Variants in TMT1B observed in about 807,000 individuals in gnomAD.
TMT1B encodes the protein thiol methyltransferase 1B, also known as thiol S-methyltransferase TMT1B.
At chr12:55,683,851 A>G in the TMT1B span, 7 of 1,614,142 alleles carry the variant, frequency 4.3e-6, no homozygotes, top group Non-Finnish European at 5.9e-6. Context: ...TGGCAGAACC[A>G]TATGGAAGCT....
chr12:55,684,436 A>T, the TMT1B span: 1 of 196,022 alleles, frequency 5.1e-6, no homozygotes, highest in Non-Finnish European at 1.1e-5. Context: ...TGGTCACAAA[A>T]GTCATGGTGC....
chr12:55,682,657 A>G, the TMT1B span, among the ~76,000 whole-genome samples: 2 of 151,532 alleles, frequency 1.3e-5, no homozygotes, highest in Admixed American at 1.3e-4. Context: ...GTGGTGGCAC[A>G]TGCCTATAGT....
At chr12:55,682,061 T>C in the TMT1B span, 2 of 1,614,194 alleles carry the variant, frequency 1.2e-6, no homozygotes, top group Non-Finnish European at 1.7e-6. Context: ...AAATCCCCAC[T>C]TTGAGAAGTT....
the TMT1B span, chr12:55,683,699 AACTCTCAG>A: frequency 1.9e-6 from 2 of 1,038,790 alleles, no homozygotes; most frequent in Non-Finnish European, 2.9e-6. Context: ...TTGCTCCATG[AACTCTCAG>A]ACCAGCAGCT....
the TMT1B span, among the ~76,000 whole-genome samples, chr12:55,682,607 CAAAAAA>C: frequency 9.6e-6 from 1 of 104,176 alleles, no homozygotes; most frequent in African/African-American, 3.6e-5. Flanking sequence ...GCCGTCTCTA[CAAAAAA>C]AAAAAAAAAA....
chr12:55,683,351 C>T, the TMT1B span, among the ~76,000 whole-genome samples: 1 of 152,002 alleles, frequency 6.6e-6, no homozygotes, highest in Admixed American at 6.6e-5. Context: ...AAAAAGTAGC[C>T]GGGCGTGGTG....
chr12:55,682,252 G>T, the TMT1B span: 1 of 1,606,988 alleles, frequency 6.2e-7, no homozygotes, highest in Non-Finnish European at 8.5e-7. Flanking sequence ...TACTGAGACC[G>T]GTAAGCAGGG....
the TMT1B span, among the ~76,000 whole-genome samples, chr12:55,682,788 AAAAT>A: frequency 9.2e-6 from 1 of 108,956 alleles, no homozygotes; most frequent in Non-Finnish European, 1.8e-5. Flanking sequence ...TGTATCAAAA[AAAAT>A]AAATAAATAA....
the TMT1B span, chr12:55,683,783 A>C: frequency 6.2e-7 from 1 of 1,605,756 alleles, no homozygotes; most frequent in Admixed American, 1.7e-5. Context: ...GAATGGAGCC[A>C]AGTGACACTA....
At chr12:55,683,758 T>C in the TMT1B span, 1 of 1,546,922 alleles carries the variant, frequency 6.5e-7, no homozygotes, top group Non-Finnish European at 8.9e-7. Flanking sequence ...ATCAGCGCGA[T>C]AGGGAGCAGG....
At chr12:55,683,403 G>A in the TMT1B span, among the ~76,000 whole-genome samples, 19 of 152,280 alleles carry the variant, frequency 1.2e-4, 1 homozygote, top group Admixed American at 9.2e-4. Context: ...GCTGAGGCAG[G>A]AGAATCGCTT....
At chr12:55,684,014 GT>G in the TMT1B span, 1 of 1,613,720 alleles carries the variant, frequency 6.2e-7, no homozygotes, top group Non-Finnish European at 8.5e-7. Context: ...GTGGCTACCT[GT>G]TGGGCCCCAC....
the TMT1B span, chr12:55,681,848 T>A: frequency 6.3e-7 from 1 of 1,580,476 alleles, no homozygotes; most frequent in African/African-American, 1.4e-5. Flanking sequence ...GCAGCCCCTG[T>A]GCAAAAGCTA....
the TMT1B span, among the ~76,000 whole-genome samples, chr12:55,682,856 G>A: frequency 6.6e-6 from 1 of 151,994 alleles, no homozygotes; most frequent in East Asian, 1.9e-4. Flanking sequence ...GTGTGGACGG[G>A]GTGGGGAAAA....
the TMT1B span, chr12:55,681,936 A>G: frequency 6.2e-7 from 1 of 1,614,082 alleles, no homozygotes; most frequent in Non-Finnish European, 8.5e-7. Flanking sequence ...CTCTTCAGCC[A>G]GATAAAGGGG....
At chr12:55,682,330 G>A in the TMT1B span, 17 of 1,450,714 alleles carry the variant, frequency 1.2e-5, no homozygotes, top group Non-Finnish European at 1.2e-5. Flanking sequence ...CCCCCAGAAT[G>A]GGGCGTCTGA....
At chr12:55,681,849 G>A in the TMT1B span, 1 of 1,581,472 alleles carries the variant, frequency 6.3e-7, no homozygotes, top group Non-Finnish European at 8.6e-7. Flanking sequence ...CAGCCCCTGT[G>A]CAAAAGCTAC....
the TMT1B span, chr12:55,683,790 A>C: frequency 1.2e-6 from 2 of 1,610,964 alleles, no homozygotes; most frequent in Non-Finnish European, 1.7e-6. Context: ...GCCAAGTGAC[A>C]CTAACTCTCT....
chr12:55,682,278 T>G, the TMT1B span: 10 of 1,591,898 alleles, frequency 6.3e-6, 2 homozygotes, highest in Middle Eastern at 6.0e-4. Flanking sequence ...AGGGGATGGG[T>G]GTGGGGCAGG....
Sources: gnomAD v4.1 joint callset for allele counts (sites outside exome capture counted in the v4.1 genomes callset) on GRCh38, gnomAD v4.1.1 for gene constraint, MANE v1.5 for transcripts, NCBI Gene and HGNC (gene_info 2026-07-23, HGNC 2026-07-21) for gene names.